UNC79: variants seen among roughly 807,000 people sequenced by gnomAD.
UNC79 encodes the protein protein unc-79 homolog.
In UNC79, 37 loss-of-function variants were observed where a neutral mutation model predicts 283.1. The observed-to-expected ratio is 0.13, with a 90% CI of 0.10 to 0.17. The LOEUF is 0.17. Among genes scored for constraint, UNC79 ranks in the 10% least tolerant of loss-of-function variants. The pLI is 1.00. For synonymous variants in UNC79, 1,107 were observed against 1,200.2 expected, an observed-to-expected ratio of 0.92 and a Z score of 1.61; for missense variants, 2,272 against 3,211.1, an observed-to-expected ratio of 0.71 and a Z score of 7.07.
chr14:93,514,368 G>A (rs896977411), intron 7 of UNC79, among the ~76,000 whole-genome samples: 44 of 152,334 alleles, frequency 2.9e-4, no homozygotes, highest in Non-Finnish European at 4.6e-4. Context: ...TTCCTAAGGT[G>A]TGACCTATCT....
At chr14:93,561,305 G>C (rs1307224207) in intron 14 of UNC79, among the ~76,000 whole-genome samples, 1 of 152,156 alleles carries the variant, frequency 6.6e-6, no homozygotes, top group Non-Finnish European at 1.5e-5. Flanking sequence ...GGGGGGAGTA[G>C]AGTTGATATA....
chr14:93,400,489 T>G (rs1441014060), intron 1 of UNC79, among the ~76,000 whole-genome samples: 1 of 152,092 alleles, frequency 6.6e-6, no homozygotes, highest in Admixed American at 6.6e-5. Context: ...ATCCTGGGAG[T>G]TCAGATGAAG....
At chr14:93,496,691 T>G (rs982269599) in intron 6 of UNC79, among the ~76,000 whole-genome samples, 1 of 152,240 alleles carries the variant, frequency 6.6e-6, no homozygotes, top group Non-Finnish European at 1.5e-5. Context: ...TAATTGAATG[T>G]ATCTTATTCT....
chr14:93,679,706 A>C (rs1197507636), intron 41 of UNC79, among the ~76,000 whole-genome samples: 2 of 152,198 alleles, frequency 1.3e-5, no homozygotes, highest in Non-Finnish European at 2.9e-5. Flanking sequence ...CTGAGATTAG[A>C]GGTGAAGACA....
At chr14:93,425,642 A>G (rs2055709252), upstream of UNC79, among the ~76,000 whole-genome samples, 1 of 152,234 alleles carries the variant, frequency 6.6e-6, no homozygotes, top group African/African-American at 2.4e-5. Flanking sequence ...GGAAGAGTTT[A>G]ATAAATGGGT....
intron 37 of UNC79, among the ~76,000 whole-genome samples, chr14:93,654,315 A>AC (rs2070666408): frequency 2.0e-5 from 3 of 151,968 alleles, no homozygotes; most frequent in African/African-American, 7.3e-5. Flanking sequence ...ACATAGCAAG[A>AC]CCCCCATCTC....
exon 27 of UNC79, chr14:93,612,963 G>A (rs761751375): frequency 9.3e-6 from 15 of 1,614,098 alleles, no homozygotes; most frequent in South Asian, 3.3e-5. Context: ...CCTTCAACAC[G>A]GTCAAGCGAC....
chr14:93,647,465 C>T (rs2069740666), intron 35 of UNC79, among the ~76,000 whole-genome samples: 1 of 152,158 alleles, frequency 6.6e-6, no homozygotes, highest in Admixed American at 6.5e-5. Context: ...TTGAACAAAA[C>T]ATGAATAAAG....
chr14:93,445,393 G>C (rs991797456), intron 1 of UNC79, among the ~76,000 whole-genome samples: 1 of 152,148 alleles, frequency 6.6e-6, no homozygotes, highest in Non-Finnish European at 1.5e-5. Context: ...TTGACCTTAG[G>C]TGGAAAGCTT....
intron 4 of UNC79, among the ~76,000 whole-genome samples, chr14:93,480,881 T>C (rs2058094997): frequency 6.6e-6 from 1 of 152,208 alleles, no homozygotes; most frequent in Non-Finnish European, 1.5e-5. Context: ...TCCTGAGTAC[T>C]TGATAAAGTC....
chr14:93,448,684 G>A (rs1311352024), intron 1 of UNC79, among the ~76,000 whole-genome samples: 4 of 152,160 alleles, frequency 2.6e-5, no homozygotes, highest in Admixed American at 6.5e-5. Context: ...TAATTTTCCT[G>A]GCTGGGATGG....
chr14:93,577,544 A>G (rs1192788432), intron 17 of UNC79, among the ~76,000 whole-genome samples: 1 of 152,246 alleles, frequency 6.6e-6, no homozygotes, highest in Non-Finnish European at 1.5e-5. Flanking sequence ...AATTTTCAGT[A>G]GACTCAAACA....
At chr14:93,421,577 GATA>G (rs2055600225) in intron 1 of UNC79, among the ~76,000 whole-genome samples, 1 of 151,148 alleles carries the variant, frequency 6.6e-6, no homozygotes, top group South Asian at 2.2e-4. Context: ...TAGAGGAGGG[GATA>G]ATATTTCCAA....
At chr14:93,334,145 C>T (rs1168279701) in intron 1 of UNC79, among the ~76,000 whole-genome samples, 1 of 152,232 alleles carries the variant, frequency 6.6e-6, no homozygotes, top group Non-Finnish European at 1.5e-5. Context: ...TTTTAACCAT[C>T]TCTTGACCCT....
intron 1 of UNC79, among the ~76,000 whole-genome samples, chr14:93,406,547 C>T (rs67282550): frequency 0.084 from 12,763 of 152,146 alleles, 587 homozygotes; most frequent in Middle Eastern, 0.14. Flanking sequence ...ATAATCATGC[C>T]TTGGCACTCC....
intron 24 of UNC79, among the ~76,000 whole-genome samples, chr14:93,598,429 T>C (rs1430019496): frequency 5.3e-5 from 8 of 151,076 alleles, no homozygotes; most frequent in African/African-American, 1.7e-4. Context: ...TAAAACTAGG[T>C]TGGTTTATCT....
chr14:93,476,947 C>G (rs1415552178), intron 3 of UNC79, among the ~76,000 whole-genome samples: 1 of 152,166 alleles, frequency 6.6e-6, no homozygotes, highest in Non-Finnish European at 1.5e-5. Context: ...AACAATCCTT[C>G]TAATGAAGTG....
At chr14:93,558,495 G>T (rs1199299400) in intron 14 of UNC79, among the ~76,000 whole-genome samples, 1 of 149,772 alleles carries the variant, frequency 6.7e-6, no homozygotes, top group Non-Finnish European at 1.5e-5. Context: ...GGCGGAGCTT[G>T]CATTGAGCCG....
chr14:93,553,477 A>G (rs576725318), intron 14 of UNC79, among the ~76,000 whole-genome samples: 12 of 152,178 alleles, frequency 7.9e-5, no homozygotes, highest in Non-Finnish European at 1.6e-4. Context: ...TGCATCCAAG[A>G]GTATCCATGA....
Sources: gnomAD v4.1 joint callset for allele counts (sites outside exome capture counted in the v4.1 genomes callset) on GRCh38, gnomAD v4.1.1 for gene constraint, MANE v1.5 for transcripts, NCBI Gene and HGNC (gene_info 2026-07-23, HGNC 2026-07-21) for gene names.